Variants in PKIB observed in about 807,000 individuals in gnomAD.
PKIB encodes the protein cAMP-dependent protein kinase inhibitor beta, also known as PKI-beta.
PKIB carries 2 observed loss-of-function variants against 4.5 expected under a neutral mutation model. The ratio of observed to expected loss-of-function variants is 0.44; its 90% CI spans 0.18 to 1.39. PKIB has a LOEUF of 1.39. Ranked by LOEUF, PKIB falls within the 40% of genes most tolerant of loss-of-function variation. The pLI is 0.27. For missense variants in PKIB, 94 were observed against 92.6 expected, an observed-to-expected ratio of 1.02 and a Z score of -0.06; for synonymous variants, 38 against 36.0, an observed-to-expected ratio of 1.06 and a Z score of -0.20.
Position 122,546,770 on chromosome 6 carries a change from T to C in PKIB, c.-247-39151T>C, listed in dbSNP as rs1001420084. 3.3e-5 allele frequency among the ~76,000 whole-genome samples: 5 copies of C among 152,218 alleles called. No homozygotes were observed. In the South Asian group the frequency reaches 8.3e-4, roughly 25 times the overall value. Reference sequence around the variant, plus strand: ...CAAATATTATTTTTTAAAAAACTTATGAAATTAATGAATTGAATGCTAAAT... The same window carrying C: ...CAAATATTATTTTTTAAAAAACTTACGAAATTAATGAATTGAATGCTAAAT... On this transcript the variant is annotated intron_variant, in intron 2 of 6. Transcript: ENST00000392491.
chr6:122,670,471 A>T (rs2815597), intron 2 of PKIB, among the ~76,000 whole-genome samples: 1 of 151,532 alleles, frequency 6.6e-6, no homozygotes, highest in Non-Finnish European at 1.5e-5. Context: ...CCCATCACCC[A>T]TTCTTTCTTA....
chr6:122,507,808 CTTTGTT>C (rs925361140), intron 2 of PKIB, among the ~76,000 whole-genome samples: 22 of 149,884 alleles, frequency 1.5e-4, no homozygotes, highest in African/African-American at 5.4e-4. Context: ...TTTTTTAGGT[CTTTGTT>C]TTTGAGTTTT....
At chr6:122,682,127 T>A (rs1339371427) in intron 3 of PKIB, among the ~76,000 whole-genome samples, 1 of 152,144 alleles carries the variant, frequency 6.6e-6, no homozygotes, top group East Asian at 1.9e-4. Flanking sequence ...ATAGATTAGA[T>A]AAACACTAAC....
At chr6:122,665,260 C>A (rs1288881144) in intron 2 of PKIB, among the ~76,000 whole-genome samples, 2 of 152,114 alleles carry the variant, frequency 1.3e-5, no homozygotes, top group Admixed American at 6.5e-5. Context: ...AAATACGAAA[C>A]CTTAATTTGG....
At chr6:122,602,008 A>ATTT (rs78504289) in intron 3 of PKIB, among the ~76,000 whole-genome samples, 4 of 140,296 alleles carry the variant, frequency 2.9e-5, no homozygotes, top group Non-Finnish European at 3.1e-5. Flanking sequence ...CTTTCCCTTC[A>ATTT]TTTTTTTTTT....
chr6:122,675,978 G>T (rs760509863), intron 3 of PKIB, among the ~76,000 whole-genome samples: 1 of 141,216 alleles, frequency 7.1e-6, no homozygotes, highest in Non-Finnish European at 1.6e-5. Context: ...CCACAGACTT[G>T]GGGTTGGAGG....
chr6:122,515,015 A>G (rs1231841914), intron 2 of PKIB, among the ~76,000 whole-genome samples: 3 of 152,232 alleles, frequency 2.0e-5, no homozygotes, highest in Non-Finnish European at 4.4e-5. Flanking sequence ...TGGTGTGCTT[A>G]TAGCGATAAA....
chr6:122,626,623 A>G (rs992429342), intron 1 of PKIB, among the ~76,000 whole-genome samples: 1 of 152,248 alleles, frequency 6.6e-6, no homozygotes, highest in Non-Finnish European at 1.5e-5. Flanking sequence ...GGAAATGTGC[A>G]TTCTGGACAG....
chr6:122,634,896 C>A (rs942469505), intron 2 of PKIB, among the ~76,000 whole-genome samples: 4 of 149,614 alleles, frequency 2.7e-5, no homozygotes, highest in African/African-American at 9.9e-5. Flanking sequence ...GAGCCGAGAT[C>A]ACACCACTGC....
intron 3 of PKIB, among the ~76,000 whole-genome samples, chr6:122,586,299 G>A (rs1306151257): frequency 1.3e-5 from 2 of 152,080 alleles, no homozygotes; most frequent in East Asian, 1.9e-4. Context: ...CATTATTTGT[G>A]TTGTGATTGT....
intron 3 of PKIB, among the ~76,000 whole-genome samples, chr6:122,690,362 T>G (rs1778279808): frequency 6.6e-6 from 1 of 152,086 alleles, no homozygotes; most frequent in African/African-American, 2.4e-5. Context: ...TGATTTTCTC[T>G]GGTGGCATAG....
chr6:122,518,073 A>G (rs1425450720), intron 2 of PKIB, among the ~76,000 whole-genome samples: 1 of 152,226 alleles, frequency 6.6e-6, no homozygotes, highest in East Asian at 1.9e-4. Flanking sequence ...AAAGGGTTAA[A>G]AGCAACCCCA....
chr6:122,687,947 T>A (rs540980487), intron 3 of PKIB, among the ~76,000 whole-genome samples: 31 of 152,162 alleles, frequency 2.0e-4, no homozygotes, highest in East Asian at 3.9e-4. Flanking sequence ...CTTTTTTTTT[T>A]AAATTTTATT....
chr6:122,608,318 T>C (rs1190270443), upstream of PKIB, among the ~76,000 whole-genome samples: 3 of 152,174 alleles, frequency 2.0e-5, no homozygotes, highest in African/African-American at 7.2e-5. Context: ...CTTGGCACAA[T>C]CCCAAAGTTG....
intron 2 of PKIB, among the ~76,000 whole-genome samples, chr6:122,575,965 T>C (rs1212563806): frequency 6.6e-6 from 1 of 152,154 alleles, no homozygotes; most frequent in Non-Finnish European, 1.5e-5. Flanking sequence ...AGCATTACTG[T>C]AAGTGCAAGA....
At chr6:122,585,788 A>C (rs985955603) in intron 2 of PKIB, 5 of 152,164 alleles carry the variant, frequency 3.3e-5, no homozygotes, top group African/African-American at 1.2e-4. Context: ...AATGTGCAAC[A>C]ATATATTTTC....
chr6:122,672,416 T>C (rs1777502615), intron 2 of PKIB, among the ~76,000 whole-genome samples: 1 of 152,212 alleles, frequency 6.6e-6, no homozygotes, highest in South Asian at 2.1e-4. Context: ...TGCATGTGTT[T>C]CTACTGTGAT....
chr6:122,713,899 C>T (rs904951302), intron 3 of PKIB, among the ~76,000 whole-genome samples: 5 of 152,104 alleles, frequency 3.3e-5, no homozygotes, highest in African/African-American at 1.2e-4. Flanking sequence ...CTCCCCTTTT[C>T]CCCCTATAAA....
rs2115104575 is a variant in PKIB at position 122,726,083 on chromosome 6, G to A, written c.*888G>A. The A allele has an allele frequency of 6.6e-6, 1 of 151,970 alleles. No homozygotes were observed. Among genetic ancestry groups the A allele is most frequent in the South Asian group, 2.1e-4 (1 of 4,816 alleles). 9.4% of individuals were successfully genotyped at this position (151,970 alleles called of 1,614,324 possible). Reference sequence around the variant, plus strand: ...AGCTAACATAGCAGTAGGCACTTAAGCATTTAGTCAATGATATTGGTAGAA... The same window carrying A: ...AGCTAACATAGCAGTAGGCACTTAAACATTTAGTCAATGATATTGGTAGAA... On this transcript the variant is annotated 3_prime_UTR_variant, in exon 5 of 5. Transcript: ENST00000368452.
Sources: gnomAD v4.1 joint callset for allele counts (sites outside exome capture counted in the v4.1 genomes callset) on GRCh38, gnomAD v4.1.1 for gene constraint, MANE v1.5 for transcripts, NCBI Gene and HGNC (gene_info 2026-07-23, HGNC 2026-07-21) for gene names.